ZFHX4: variants seen among roughly 807,000 people sequenced by gnomAD.
ZFHX4 encodes zinc finger homeobox protein 4.
A neutral mutation model predicts 267.6 loss-of-function variants in ZFHX4; 56 were observed. The observed-to-expected ratio is 0.21, with a 90% CI of 0.17 to 0.26. The LOEUF (loss-of-function observed/expected upper bound fraction) is 0.26, where lower values mean the gene tolerates loss of function less well. ZFHX4 is among the 10% of genes least tolerant of loss of function. The pLI is 1.00. For synonymous variants in ZFHX4, 1,778 were observed against 1,665.6 expected, an observed-to-expected ratio of 1.07 and a Z score of -1.64; for missense variants, 4,332 against 4,420.0, an observed-to-expected ratio of 0.98 and a Z score of 0.56.
chr8:76,849,986 G>T, intron 8 of ZFHX4: 1 of 569,728 alleles, frequency 1.8e-6, no homozygotes, highest in South Asian at 2.3e-5. Flanking sequence ...TGGGCACCTT[G>T]CATTTCAAAC....
intron 1 of ZFHX4, among the ~76,000 whole-genome samples, chr8:76,688,230 A>G (rs1181886659): frequency 6.6e-6 from 1 of 152,178 alleles, no homozygotes; most frequent in Non-Finnish European, 1.5e-5. Context: ...TGGTGTGGAT[A>G]TTTAATTCAG....
chr8:76,753,900 T>A (rs1809692069), intron 3 of ZFHX4, among the ~76,000 whole-genome samples: 1 of 151,952 alleles, frequency 6.6e-6, no homozygotes, highest in Non-Finnish European at 1.5e-5. Context: ...AGTTTTGGGA[T>A]CACCGGCATG....
rs561955590 is a variant in ZFHX4, at chr8:76,806,255, G to A, written c.3326-27083G>A. On this transcript the variant is annotated intron_variant, in intron 4 of 10. Transcript: ENST00000651372. ...CAAGATGCCTAGCTCCAAACCATTT[G>A]ATGTCTTATGTTATTAAGATGATAA... 5.9e-5 allele frequency among the ~76,000 whole-genome samples: 9 copies of A among 152,150 alleles called. No individual in the cohort carries two copies. The South Asian group carries it at 1.9e-3, about 32-fold the overall frequency.
intron 1 of ZFHX4, among the ~76,000 whole-genome samples, chr8:76,703,028 A>G (rs1808144413): frequency 1.3e-5 from 2 of 152,062 alleles, no homozygotes; most frequent in South Asian, 4.1e-4. Flanking sequence ...TGTATGCCCA[A>G]CTTTCACTAG....
intron 4 of ZFHX4, among the ~76,000 whole-genome samples, chr8:76,793,756 C>A (rs1235981225): frequency 6.6e-6 from 1 of 152,026 alleles, no homozygotes; most frequent in Admixed American, 6.6e-5. Flanking sequence ...CTTTTTCATT[C>A]TTTTTCTTTT....
chr8:76,705,650 G>A lies in ZFHX4; in HGVS notation c.1562G>A (p.Gly521Asp). Residue 521 changes from glycine to aspartate, a missense_variant, in exon 2 of 11, where the codon GGT becomes GAT. Coordinates refer to ENST00000651372, the MANE Select transcript of ZFHX4 (RefSeq NM_024721.5). ...SSSVLKFIEK[G>D]TSSSSATVSD... ...AGTGTGCTAAAATTTATTGAAAAGG[G>A]TACCTCGTCCTCCTCGGCGACTGTT... is the stretch of plus-strand genomic sequence containing the variant. 6.2e-7 allele frequency: 1 copy of A among 1,613,894 alleles called. No homozygotes were observed. The highest frequency in any genetic ancestry group is 8.5e-7 in the Non-Finnish European group (1 of 1,179,864).
chr8:76,704,151 A>G lies in ZFHX4; in HGVS notation c.63A>G (p.Leu21=), dbSNP rs1273544951. 6 of 1,613,978 alleles carry G rather than the reference A, an allele frequency of 3.7e-6. No homozygotes were observed. Among genetic ancestry groups the G allele is most frequent in the Admixed American group, 1.7e-5 (1 of 60,024 alleles). ...AAAATGGGCAGAGCACATCAAAGCT[A>G]TGTGGAACGACACAACTTGATAATG... ...RQENGQSTSK[L]CGTTQLDNEV... The change falls in exon 2 of 11, where the codon CTA becomes CTG. Residue 21 remains leucine (L), a synonymous_variant. Transcript: ENST00000651372.
rs761284690 is a variant in ZFHX4 at position 76,864,281 on chromosome 8, A to C, written c.10567A>C (p.Met3523Leu). The stretch of plus-strand genomic sequence containing the variant: ...CTATCCTCATCTTTCTTGCTTCTCC[A>C]TGAAGTCCTGGCCTAATATCCTTTT... ...NTYPHLSCFS[M>L]KSWPNILFQA... Residue 3523 changes from methionine to leucine, a missense_variant, in exon 11 of 11, where the codon ATG becomes CTG. Coordinates refer to ENST00000651372, the MANE Select transcript of ZFHX4 (RefSeq NM_024721.5). 1.2e-6 allele frequency: 2 copies of C among 1,613,876 alleles called. No homozygotes were observed. The highest frequency in any genetic ancestry group is 1.1e-5 in the South Asian group (1 of 91,082).
chr8:76,789,608 C>G (rs762470132), intron 4 of ZFHX4, among the ~76,000 whole-genome samples: 1 of 152,118 alleles, frequency 6.6e-6, no homozygotes. Context: ...TCAGAATTAT[C>G]TAGTTTATTC....
intron 3 of ZFHX4, among the ~76,000 whole-genome samples, chr8:76,709,125 G>C (rs1800320001): frequency 6.6e-6 from 1 of 152,154 alleles, no homozygotes; most frequent in African/African-American, 2.4e-5. Context: ...CACATGAAAA[G>C]AGCAGGTTGA....
chr8:76,702,963 G>GACAC (rs33934020), intron 1 of ZFHX4, among the ~76,000 whole-genome samples: 9,132 of 147,618 alleles, frequency 0.062, 851 homozygotes, highest in African/African-American at 0.2. Context: ...TCTCAGGCAA[G>GACAC]ACACACACAC....
At chr8:76,769,087 G>C (rs945415720) in intron 3 of ZFHX4, among the ~76,000 whole-genome samples, 25 of 151,996 alleles carry the variant, frequency 1.6e-4, no homozygotes, top group African/African-American at 5.6e-4. Flanking sequence ...AACAGAGTAA[G>C]ACCCTGTCTC....
At chr8:76,779,445 G>A (rs1373159331) in intron 4 of ZFHX4, among the ~76,000 whole-genome samples, 1 of 152,110 alleles carries the variant, frequency 6.6e-6, no homozygotes, top group East Asian at 1.9e-4. Flanking sequence ...TTTCTCAACT[G>A]AGCATTCTTA....
chr8:76,747,334 C>A (rs1037730379), intron 3 of ZFHX4, among the ~76,000 whole-genome samples: 1 of 152,064 alleles, frequency 6.6e-6, no homozygotes. Context: ...GGGTAAATTG[C>A]ATGTCACTGG....
rs964344142 is a variant in ZFHX4, at chr8:76,706,325, C to T, written c.2237C>T (p.Pro746Leu). The change falls in exon 2 of 11, where the codon CCC becomes CTC. Residue 746 changes from proline to leucine, a missense_variant. Around this residue, in one of 7 missense-constraint regions of ZFHX4, gnomAD observed 1,195 missense variants for 1,173.6 expected, o/e 1.02. Transcript: ENST00000651372. Reference protein sequence around the residue: ...EQVFGHSAPAPNTSLSGCGTP... With the variant: ...EQVFGHSAPALNTSLSGCGTP... ...GTGTTTGGCCACTCTGCCCCAGCCC[C>T]CAACACCAGCCTCAGTGGCTGCGGA... 2.5e-6 allele frequency: 4 copies of T among 1,613,988 alleles called. No homozygotes were observed. The African/African-American group carries it at 4.0e-5, about 16-fold the overall frequency.
chr8:76,696,296 A>G (rs1166699641), intron 1 of ZFHX4, among the ~76,000 whole-genome samples: 1 of 152,144 alleles, frequency 6.6e-6, no homozygotes, highest in Non-Finnish European at 1.5e-5. Context: ...CTGAACATGC[A>G]TCTTTTGAAT....
At chr8:76,795,177 G>A (rs1585953006) in intron 4 of ZFHX4, among the ~76,000 whole-genome samples, 1 of 152,176 alleles carries the variant, frequency 6.6e-6, no homozygotes, top group East Asian at 1.9e-4. Flanking sequence ...GAAAGTCTGA[G>A]TTTGGAGAGT....
intron 3 of ZFHX4, among the ~76,000 whole-genome samples, chr8:76,742,494 T>C (rs560641685): frequency 6.6e-6 from 1 of 152,274 alleles, no homozygotes; most frequent in Non-Finnish European, 1.5e-5. Context: ...GTTTAGATAT[T>C]GCACTTAATA....
intron 4 of ZFHX4, among the ~76,000 whole-genome samples, chr8:76,817,246 T>A (rs1023055013): frequency 1.3e-5 from 2 of 152,016 alleles, no homozygotes; most frequent in Non-Finnish European, 2.9e-5. Context: ...GAAAAAAAAA[T>A]GAGAAATTGA....
Sources: allele counts gnomAD v4.1 joint callset (sites outside exome capture counted in the v4.1 genomes callset), GRCh38; gene constraint gnomAD v4.1.1; regional missense constraint gnomAD v4.1.1; transcripts MANE v1.5; gene names NCBI Gene and HGNC (gene_info 2026-07-23, HGNC 2026-07-21).